Variants in KRTAP4-4 observed in about 807,000 individuals in gnomAD.
KRTAP4-4 encodes keratin associated protein 4-4, also known as keratin-associated protein 4-4.
For synonymous variants in KRTAP4-4, 88 were observed against 76.4 expected (o/e 1.15, Z -0.79); for missense variants, 186 against 206.9 (o/e 0.90, Z 0.62).
chr17:41,159,976 G>T lies in KRTAP4-4; in HGVS notation c.*215C>A. The T allele has an allele frequency of 1.4e-6, 1 of 736,474 alleles. No homozygotes were observed. Among genetic ancestry groups the T allele is most frequent in the Non-Finnish European group, 2.3e-6 (1 of 441,442 alleles). The allele number at this position is 736,474 out of a possible 1,614,324, so 45.6% of individuals were successfully genotyped here. ...GTCCAGATGACAGCCTCAGCAGCAA[G>T]AAGCACTAGAGCAGGTTGGGCGGCA... On this transcript the variant is annotated 3_prime_UTR_variant, in exon 1 of 1. Transcript: ENST00000390661.
In KRTAP4-4 at chr17:41,160,397, T is replaced by A; in HGVS notation, c.295A>T (p.Thr99Ser). Residue 99 changes from threonine (T) to serine (S), a missense_variant, in exon 1 of 1, where the codon ACC (threonine) becomes TCC (serine). Thr to Ser is a moderately conservative substitution (Grantham distance 58). Coordinates refer to ENST00000390661, the MANE Select transcript of KRTAP4-4 (RefSeq NM_032524.2). ...QCCQTTCCRT[T>S]CCRPSCCRPQ... is the part of the protein sequence containing the mutation. ...CTGCAGCAGCTGGGGCGGCAGCAGGTGGTCCTACAGCAGGTAGTCTGGCAG... is the reference window on the plus strand; with the variant it reads ...CTGCAGCAGCTGGGGCGGCAGCAGGAGGTCCTACAGCAGGTAGTCTGGCAG... 1 of 1,609,724 alleles carries A rather than the reference T, an allele frequency of 6.2e-7. No individual in the cohort carries two copies. The highest frequency in any genetic ancestry group is 1.1e-5 in the South Asian group (1 of 90,930).
chr17:41,159,900 C>T lies in KRTAP4-4; in HGVS notation c.*291G>A, dbSNP rs747631430. 5.4e-6 allele frequency: 3 copies of T among 553,722 alleles called. No homozygotes were observed. Among genetic ancestry groups the T allele is most frequent in the Non-Finnish European group, 3.3e-6 (1 of 307,162 alleles). 34.3% of individuals were successfully genotyped at this position (553,722 alleles called of 1,614,324 possible). A position where few individuals can be genotyped will look rare whatever the true frequency, so the allele number is the denominator to read the frequency against. ...GTTTTCCAACTAGCTTCCCATAACTCAGCTCATAGATGAGCTACATCAAGA... is the reference window on the plus strand; with the variant it reads ...GTTTTCCAACTAGCTTCCCATAACTTAGCTCATAGATGAGCTACATCAAGA... On this transcript the variant is annotated 3_prime_UTR_variant, in exon 1 of 1. Transcript: ENST00000390661.
rs1398565074 is a variant in KRTAP4-4, at chr17:41,160,180, C to A, written c.*11G>T. The A allele has an allele frequency of 6.2e-7, 1 of 1,610,488 alleles. No homozygotes were observed. Among genetic ancestry groups the A allele is most frequent in the Non-Finnish European group, 8.5e-7 (1 of 1,177,978 alleles). ...GGTGGTCCTGTAGCAGGTGGTTTGC[C>A]AGCAGATGGGCTAGCAGCATAGAGA... On this transcript the variant is annotated 3_prime_UTR_variant, in exon 1 of 1. Coordinates refer to ENST00000390661, the MANE Select transcript of KRTAP4-4 (RefSeq NM_032524.2).
In KRTAP4-4 at chr17:41,160,654, T is replaced by A. The variant is rs775466208; in HGVS notation, c.38A>T (p.Gln13Leu). 1.9e-5 allele frequency: 31 copies of A among 1,613,570 alleles called. No homozygotes were observed. The highest frequency in any genetic ancestry group is 2.3e-5 in the Non-Finnish European group (27 of 1,179,710). The change falls in exon 1 of 1, where the codon CAG (glutamine) becomes CTG (leucine). Residue 13 changes from glutamine (Q) to leucine (L), a missense_variant. Physicochemically the swap from Gln to Leu is moderately radical, Grantham distance 113. Transcript: ENST00000390661. ...NSCCGSVCSD[Q>L]GCGLENCCRP... Reference sequence around the variant, plus strand: ...GCAGCAGTTCTCTAGGCCACAGCCCTGGTCAGAGCACACAGAGCCACAACA... The same window carrying A: ...GCAGCAGTTCTCTAGGCCACAGCCCAGGTCAGAGCACACAGAGCCACAACA...
rs1193445956 is a variant in KRTAP4-4 at position 41,160,500 on chromosome 17, G to C, written c.192C>G (p.Ser64Arg). ...TCCRTTCCHP[S>R]CCVSSCCRPQ... Reference sequence around the variant, plus strand: ...GTCTGCAGCAGCTGGACACACAGCAGCTGGGGTGGCAGCAGGTGGTCCTGC... The same window carrying C: ...GTCTGCAGCAGCTGGACACACAGCACCTGGGGTGGCAGCAGGTGGTCCTGC... Residue 64 changes from serine to arginine, a missense_variant, in exon 1 of 1, where the codon AGC becomes AGG. Coordinates refer to ENST00000390661, the MANE Select transcript of KRTAP4-4 (RefSeq NM_032524.2). 6.2e-7 allele frequency: 1 copy of C among 1,613,358 alleles called. No individual in the cohort carries two copies. The highest frequency in any genetic ancestry group is 8.5e-7 in the Non-Finnish European group (1 of 1,179,858).
rs765882809 is a variant in KRTAP4-4 at position 41,160,263 on chromosome 17, G to A, written c.429C>T (p.Thr143=). The A allele has an allele frequency of 3.7e-6, 6 of 1,613,552 alleles. No individual in the cohort carries two copies. The highest frequency in any genetic ancestry group is 5.1e-6 in the Non-Finnish European group (6 of 1,179,900). The change falls in exon 1 of 1, where the codon ACC becomes ACT. Residue 143 remains threonine, a synonymous_variant. Transcript: ENST00000390661. ...CACAGCAGCTGGGGCGGCAGCAGGT[G>A]GTTCTGCAGCAGGTGGTCTGGCAGC... ...PQCCQTTCCR[T]TCCRPSCCVS...
In KRTAP4-4 at chr17:41,159,996, G is replaced by A. The variant is rs1335320475; in HGVS notation, c.*195C>T. On this transcript the variant is annotated 3_prime_UTR_variant, in exon 1 of 1. Transcript: ENST00000390661. Reference sequence around the variant, plus strand: ...AGCAAGAAGCACTAGAGCAGGTTGGGCGGCAGCACATGGTCTGGCAGCAGT... The same window carrying A: ...AGCAAGAAGCACTAGAGCAGGTTGGACGGCAGCACATGGTCTGGCAGCAGT... 1.1e-6 allele frequency: 1 copy of A among 885,692 alleles called. No individual in the cohort carries two copies. The highest frequency in any genetic ancestry group is 2.5e-5 in the East Asian group (1 of 39,470). 54.9% of individuals were successfully genotyped at this position (885,692 alleles called of 1,614,324 possible). A position where few individuals can be genotyped will look rare whatever the true frequency, so the allele number is the denominator to read the frequency against.
rs748378724 is a variant in KRTAP4-4, at chr17:41,160,387, C to T, written c.305G>A (p.Arg102His). The T allele has an allele frequency of 1.9e-5, 31 of 1,602,936 alleles. No homozygotes were observed. Among genetic ancestry groups the T allele is most frequent in the South Asian group, 4.4e-5 (4 of 90,616 alleles). Reference sequence around the variant, plus strand: ...GCACTGGGGCCTGCAGCAGCTGGGGCGGCAGCAGGTGGTCCTACAGCAGGT... The same window carrying T: ...GCACTGGGGCCTGCAGCAGCTGGGGTGGCAGCAGGTGGTCCTACAGCAGGT... ...QTTCCRTTCC[R>H]PSCCRPQCCQ... Residue 102 changes from arginine to histidine, a missense_variant, in exon 1 of 1, where the codon CGC becomes CAC. Coordinates refer to ENST00000390661, the MANE Select transcript of KRTAP4-4 (RefSeq NM_032524.2).
In KRTAP4-4 at chr17:41,159,998, G is replaced by A. The variant is rs1010551765; in HGVS notation, c.*193C>T. 91 of 908,436 alleles carry A rather than the reference G, an allele frequency of 1.0e-4. No individual in the cohort carries two copies. The highest frequency in any genetic ancestry group is 3.4e-4 in the Middle Eastern group (1 of 2,964). 56.3% of individuals were successfully genotyped at this position (908,436 alleles called of 1,614,324 possible). ...CAAGAAGCACTAGAGCAGGTTGGGC[G>A]GCAGCACATGGTCTGGCAGCAGTTG... On this transcript the variant is annotated 3_prime_UTR_variant, in exon 1 of 1. Coordinates refer to ENST00000390661, the MANE Select transcript of KRTAP4-4 (RefSeq NM_032524.2).
chr17:41,160,365 C>T lies in KRTAP4-4; in HGVS notation c.327G>A (p.Gln109=), dbSNP rs534211880. ...TCCRPSCCRP[Q]CCQSVCCQPT... The stretch of plus-strand genomic sequence containing the variant: ...GCTGGCAGCACACAGACTGGCAGCA[C>T]TGGGGCCTGCAGCAGCTGGGGCGGC... Residue 109 remains glutamine, a synonymous_variant, in exon 1 of 1, where the codon CAG becomes CAA. Coordinates refer to ENST00000390661, the MANE Select transcript of KRTAP4-4 (RefSeq NM_032524.2). 6 of 1,596,936 alleles carry T rather than the reference C, an allele frequency of 3.8e-6. No homozygotes were observed. The East Asian group carries it at 6.8e-5, about 18-fold the overall frequency.
chr17:41,160,021 T>A lies in KRTAP4-4; in HGVS notation c.*170A>T. On this transcript the variant is annotated 3_prime_UTR_variant, in exon 1 of 1. Coordinates refer to ENST00000390661, the MANE Select transcript of KRTAP4-4 (RefSeq NM_032524.2). ...GCGGCAGCACATGGTCTGGCAGCAGTTGGGGCGGCAGCAACTGGAGATGCA... is the reference window on the plus strand; with the variant it reads ...GCGGCAGCACATGGTCTGGCAGCAGATGGGGCGGCAGCAACTGGAGATGCA... 1 of 1,100,666 alleles carries A rather than the reference T, an allele frequency of 9.1e-7. No individual in the cohort carries two copies. The highest frequency in any genetic ancestry group is 1.6e-5 in the African/African-American group (1 of 64,250). The allele number at this position is 1,100,666 out of a possible 1,614,324, so 68.2% of individuals were successfully genotyped here.
Position 41,160,344 on chromosome 17 carries a change from G to T in KRTAP4-4, c.348C>A (p.Cys116Ter). ...AGCTGGGGCAGCAGCAGGTGGGCTG[G>T]CAGCACACAGACTGGCAGCACTGGG... ...CRPQCCQSVC[C>*]QPTCCCPSYC... The change falls in exon 1 of 1, where the codon TGC becomes TGA. Residue 116 changes from cysteine to a stop codon, truncating the protein, a stop_gained. Coordinates refer to ENST00000390661, the MANE Select transcript of KRTAP4-4 (RefSeq NM_032524.2). LOFTEE classifies it low-confidence loss of function (END_TRUNC). 3 of 1,611,186 alleles carry T rather than the reference G, an allele frequency of 1.9e-6. No homozygotes were observed. The highest frequency in any genetic ancestry group is 2.5e-6 in the Non-Finnish European group (3 of 1,179,250).
In KRTAP4-4 at chr17:41,159,883, A is replaced by T. The variant is rs1013944947; in HGVS notation, c.*308T>A. 1.2e-5 allele frequency: 6 copies of T among 503,986 alleles called. No homozygotes were observed. In the East Asian group the frequency reaches 2.1e-4, roughly 18 times the overall value. 31.2% of individuals were successfully genotyped at this position (503,986 alleles called of 1,614,324 possible). A position where few individuals can be genotyped will look rare whatever the true frequency, so the allele number is the denominator to read the frequency against. ...AATTGGTTGGAACTGAAGTTTTCCAACTAGCTTCCCATAACTCAGCTCATA... is the reference window on the plus strand; with the variant it reads ...AATTGGTTGGAACTGAAGTTTTCCATCTAGCTTCCCATAACTCAGCTCATA... On this transcript the variant is annotated 3_prime_UTR_variant, in exon 1 of 1. Transcript: ENST00000390661.
Position 41,160,362 on chromosome 17 carries a change from G to A in KRTAP4-4, c.330C>T (p.Cys110=), listed in dbSNP as rs2014952325. The A allele has an allele frequency of 6.2e-7, 1 of 1,612,384 alleles. No individual in the cohort carries two copies. The highest frequency in any genetic ancestry group is 8.5e-7 in the Non-Finnish European group (1 of 1,179,760). The change falls in exon 1 of 1, where the codon TGC becomes TGT. Residue 110 remains cysteine, a synonymous_variant. Coordinates refer to ENST00000390661, the MANE Select transcript of KRTAP4-4 (RefSeq NM_032524.2). ...CCRPSCCRPQ[C]CQSVCCQPTC... ...TGGGCTGGCAGCACACAGACTGGCA[G>A]CACTGGGGCCTGCAGCAGCTGGGGC...
Position 41,159,908 on chromosome 17 carries a change from A to T in KRTAP4-4, c.*283T>A. The T allele has an allele frequency of 3.5e-6, 2 of 579,094 alleles. No homozygotes were observed. The highest frequency in any genetic ancestry group is 6.2e-6 in the Non-Finnish European group (2 of 321,346). The allele number at this position is 579,094 out of a possible 1,614,324, so 35.9% of individuals were successfully genotyped here. A position where few individuals can be genotyped will look rare whatever the true frequency, so the allele number is the denominator to read the frequency against. On this transcript the variant is annotated 3_prime_UTR_variant, in exon 1 of 1. Transcript: ENST00000390661. ...ACTAGCTTCCCATAACTCAGCTCATAGATGAGCTACATCAAGAATGCTGGT... is the reference window on the plus strand; with the variant it reads ...ACTAGCTTCCCATAACTCAGCTCATTGATGAGCTACATCAAGAATGCTGGT...
chr17:41,160,285 C>T lies in KRTAP4-4; in HGVS notation c.407G>A (p.Cys136Tyr). 1.2e-6 allele frequency: 2 copies of T among 1,613,304 alleles called. No homozygotes were observed. The highest frequency in any genetic ancestry group is 8.5e-7 in the Non-Finnish European group (1 of 1,179,742). Residue 136 changes from cysteine to tyrosine, a missense_variant, in exon 1 of 1, where the codon TGC (cysteine) becomes TAC (tyrosine). Transcript: ENST00000390661. The part of the protein sequence containing the change: ...CVSSCCRPQC[C>Y]QTTCCRTTCC... Reference sequence around the variant, plus strand: ...GGTGGTTCTGCAGCAGGTGGTCTGGCAGCACTGGGGTCTGCAGCAGCTGGA... The same window carrying T: ...GGTGGTTCTGCAGCAGGTGGTCTGGTAGCACTGGGGTCTGCAGCAGCTGGA...
chr17:41,160,310 A>G lies in KRTAP4-4; in HGVS notation c.382T>C (p.Ser128Pro). 1.2e-6 allele frequency: 2 copies of G among 1,606,282 alleles called. No homozygotes were observed. The highest frequency in any genetic ancestry group is 1.7e-6 in the Non-Finnish European group (2 of 1,177,884). Residue 128 changes from serine to proline, a missense_variant, in exon 1 of 1, where the codon TCC becomes CCC. Coordinates refer to ENST00000390661, the MANE Select transcript of KRTAP4-4 (RefSeq NM_032524.2). ...CAGCACTGGGGTCTGCAGCAGCTGG[A>G]CACACAGTAGCTGGGGCAGCAGCAG... ...PTCCCPSYCV[S>P]SCCRPQCCQT... is the part of the protein sequence containing the mutation.
At position 41,160,445 on chromosome 17, in the gene KRTAP4-4, GCTGGCAGCACACAGA is replaced by G. The variant is rs749938654; in HGVS notation, c.232_246del (p.Ser78_Gln82del). The G allele has an allele frequency of 6.2e-7, 1 of 1,610,986 alleles. No homozygotes were observed. Among genetic ancestry groups the G allele is most frequent in the African/African-American group, 1.4e-5 (1 of 73,902 alleles). ...CAGCATTGGGGTCTGCAGCAGGTGGGCTGGCAGCACACAGACTGGCAGCACTGGGGTCTGCAGCAG... is the reference window on the plus strand; with the variant it reads ...CAGCATTGGGGTCTGCAGCAGGTGGGCTGGCAGCACTGGGGTCTGCAGCAG... On this transcript the variant is annotated inframe_deletion, in exon 1 of 1. Coordinates refer to ENST00000390661, the MANE Select transcript of KRTAP4-4 (RefSeq NM_032524.2).
rs540177356 is a variant in KRTAP4-4 at position 41,160,540 on chromosome 17, C to G, written c.152G>C (p.Cys51Ser). Residue 51 changes from cysteine to serine, a missense_variant, in exon 1 of 1, where the codon TGC (cysteine) becomes TCC (serine). Coordinates refer to ENST00000390661, the MANE Select transcript of KRTAP4-4 (RefSeq NM_032524.2). Reference protein sequence around the residue: ...CVSSCCRPQCCQTTCCRTTCC... With the variant: ...CVSSCCRPQCSQTTCCRTTCC... ...GGTGGTCCTGCAGCAGGTGGTCTGG[C>G]AGCACTGGGGTCTGCAGCAGCTGGA... 1 of 1,613,836 alleles carries G rather than the reference C, an allele frequency of 6.2e-7. No homozygotes were observed. Among genetic ancestry groups the G allele is most frequent in the East Asian group, 2.2e-5 (1 of 44,862 alleles).
Sources: gnomAD v4.1 joint callset for allele counts on GRCh38, gnomAD v4.1.1 for gene constraint, MANE v1.5 for transcripts, NCBI Gene and HGNC (gene_info 2026-07-23, HGNC 2026-07-21) for gene names.